The following ZHX3 variants were observed in gnomAD, a reference collection of about 807,000 sequenced individuals.
ZHX3 encodes the protein zinc fingers and homeoboxes 3.
In ZHX3, 20 loss-of-function variants were observed where a neutral mutation model predicts 64.5. The observed-to-expected ratio is 0.31, with a 90% CI of 0.22 to 0.45. The LOEUF is 0.45. Ranked by LOEUF, ZHX3 falls within the 20% of genes least tolerant of loss-of-function variation. The pLI is 1.00. For synonymous variants in ZHX3, 423 were observed against 461.6 expected, an observed-to-expected ratio of 0.92 and a Z score of 1.07; for missense variants, 1,041 against 1,195.8, an observed-to-expected ratio of 0.87 and a Z score of 1.91.
At chr20:41,193,094 G>A (rs1303243721) in intron 3 of ZHX3, among the ~76,000 whole-genome samples, 2 of 152,114 alleles carry the variant, frequency 1.3e-5, no homozygotes, top group South Asian at 2.1e-4. Flanking sequence ...TCTATTCAAA[G>A]TGTGATTATC....
rs1212647276 is a variant in ZHX3, at chr20:41,179,077, G to C, written c.*6114C>G. ...ACCAGGAATCAAGACCTTGTCAGGA[G>C]GCATCTACAGGCCTTTGGCAACCTC... On this transcript the variant is annotated 3_prime_UTR_variant, in exon 4 of 4. Transcript: ENST00000683867. The surrounding 1 kb of genome is among the most constrained non-coding windows in gnomAD (Gnocchi z 4.3). 6.6e-6 allele frequency: 1 copy of C among 152,516 alleles called. No homozygotes were observed. The highest frequency in any genetic ancestry group is 2.4e-5 in the African/African-American group (1 of 41,448). The allele number at this position is 152,516 out of a possible 1,614,324, so 9.4% of individuals were successfully genotyped here.
At chr20:41,220,378 G>T (rs984901447) in intron 2 of ZHX3, among the ~76,000 whole-genome samples, 1 of 152,218 alleles carries the variant, frequency 6.6e-6, no homozygotes, top group Admixed American at 6.5e-5. Flanking sequence ...AGCTAGAAAG[G>T]ATTCAGTTTT....
At chr20:41,205,289 A>C (rs1291889233) in intron 2 of ZHX3, among the ~76,000 whole-genome samples, 2 of 152,118 alleles carry the variant, frequency 1.3e-5, no homozygotes, top group Non-Finnish European at 2.9e-5. Context: ...TGATAGACTT[A>C]AGCAACGTAT....
chr20:41,317,349 G>A (rs1003192874), intron 1 of ZHX3, among the ~76,000 whole-genome samples, 160 bp downstream of exon 1: 1 of 152,190 alleles, frequency 6.6e-6, no homozygotes, highest in Non-Finnish European at 1.5e-5. Context: ...GGGGCAGCCG[G>A]CGGGAGGGGG....
At chr20:41,302,090 G>T (rs1372256303) in intron 1 of ZHX3, among the ~76,000 whole-genome samples, 2 of 138,958 alleles carry the variant, frequency 1.4e-5, no homozygotes, top group Non-Finnish European at 3.1e-5. Flanking sequence ...AAAGGAACAG[G>T]CCACCGCAAG....
At chr20:41,211,367 G>T (rs570206746) in intron 2 of ZHX3, among the ~76,000 whole-genome samples, 1 of 152,020 alleles carries the variant, frequency 6.6e-6, no homozygotes, top group East Asian at 1.9e-4. Flanking sequence ...AATAAACACG[G>T]CTATTTTATG....
intron 2 of ZHX3, among the ~76,000 whole-genome samples, chr20:41,207,202 A>C (rs552067112): frequency 3.0e-4 from 46 of 152,358 alleles, no homozygotes; most frequent in African/African-American, 1.1e-3. Context: ...AAAACATGCC[A>C]AATTGTAAAG....
At chr20:41,236,307 T>C (rs1327594571) in intron 2 of ZHX3, among the ~76,000 whole-genome samples, 2 of 152,200 alleles carry the variant, frequency 1.3e-5, no homozygotes, top group Non-Finnish European at 2.9e-5. Flanking sequence ...AGAGCCCGCA[T>C]TGCCAAGTCA....
At chr20:41,218,501 C>G (rs1037458381) in intron 2 of ZHX3, among the ~76,000 whole-genome samples, 6 of 152,062 alleles carry the variant, frequency 3.9e-5, no homozygotes, top group African/African-American at 1.4e-4. Flanking sequence ...TTATTATGAT[C>G]CTTAGTATTT....
chr20:41,305,561 G>A (rs2044951720), intron 1 of ZHX3, among the ~76,000 whole-genome samples: 1 of 151,878 alleles, frequency 6.6e-6, no homozygotes, highest in Admixed American at 6.6e-5. Flanking sequence ...GGGACGGGCG[G>A]ATCACGAGGC....
chr20:41,183,454 T>C lies in ZHX3; in HGVS notation c.*1737A>G, dbSNP rs1365495434. 6.6e-6 allele frequency: 1 copy of C among 152,220 alleles called. No homozygotes were observed. The highest frequency in any genetic ancestry group is 1.5e-5 in the Non-Finnish European group (1 of 68,044). 9.4% of individuals were successfully genotyped at this position (152,220 alleles called of 1,614,324 possible). ...GATGACACTTTAGAAGAACATGATTTTGGTTTCAAAAGCAAGACCTCTCCT... is the reference window on the plus strand; with the variant it reads ...GATGACACTTTAGAAGAACATGATTCTGGTTTCAAAAGCAAGACCTCTCCT... On this transcript the variant is annotated 3_prime_UTR_variant, in exon 4 of 4. Transcript: ENST00000683867. The surrounding 1 kb of genome is among the most constrained non-coding windows in gnomAD (Gnocchi z 5.3).
chr20:41,287,966 C>T (rs1224586894), intron 1 of ZHX3, among the ~76,000 whole-genome samples: 1 of 152,122 alleles, frequency 6.6e-6, no homozygotes, highest in East Asian at 1.9e-4. Flanking sequence ...ACTCTATATG[C>T]ACTGTGATGA....
chr20:41,180,000 CTA>C lies in ZHX3; in HGVS notation c.*5189_*5190del. ...GTTAAAAAGCATTAACCAAGAAAAACTATTCATTAACACATACAGGTGCTCAT... is the reference window on the plus strand; with the variant it reads ...GTTAAAAAGCATTAACCAAGAAAAACTTCATTAACACATACAGGTGCTCAT... On this transcript the variant is annotated 3_prime_UTR_variant, in exon 4 of 4. Coordinates refer to ENST00000683867, the MANE Select transcript of ZHX3 (RefSeq NM_001384317.1). This position sits in a 1 kb window ranked among gnomAD's most constrained non-coding sequence, Gnocchi z 4.3. The C allele has an allele frequency of 6.5e-6, 1 of 152,802 alleles. No homozygotes were observed. The highest frequency in any genetic ancestry group is 3.4e-3 in the Middle Eastern group (1 of 294). The allele number at this position is 152,802 out of a possible 1,614,324, so 9.5% of individuals were successfully genotyped here.
intron 3 of ZHX3, among the ~76,000 whole-genome samples, chr20:41,187,039 C>T (rs2036577464): frequency 6.6e-6 from 1 of 151,958 alleles, no homozygotes; most frequent in African/African-American, 2.4e-5. Flanking sequence ...AAATCATTGC[C>T]TGGCCAGATG....
In ZHX3 at chr20:41,180,751, T is replaced by C. The variant is rs1197915931; in HGVS notation, c.*4440A>G. ...GAACACACAGATTGCAGCAGAAACC[T>C]GTTGGTTCCATTTGCACTCAGAGCA... On this transcript the variant is annotated 3_prime_UTR_variant, in exon 4 of 4. Transcript: ENST00000683867. 6.6e-6 allele frequency: 1 copy of C among 152,228 alleles called. No homozygotes were observed. Among genetic ancestry groups the C allele is most frequent in the Non-Finnish European group, 1.5e-5 (1 of 68,072 alleles). 9.4% of individuals were successfully genotyped at this position (152,228 alleles called of 1,614,324 possible).
chr20:41,306,155 T>C (rs2044973684), intron 1 of ZHX3, among the ~76,000 whole-genome samples: 1 of 152,148 alleles, frequency 6.6e-6, no homozygotes, highest in African/African-American at 2.4e-5. Flanking sequence ...ATTAGTGAAA[T>C]GTTAATATTC....
chr20:41,274,178 T>C (rs1044344761), intron 1 of ZHX3, among the ~76,000 whole-genome samples: 1 of 152,208 alleles, frequency 6.6e-6, no homozygotes, highest in African/African-American at 2.4e-5. Flanking sequence ...TTTGTTTGCT[T>C]TGGGCTATGG....
intron 2 of ZHX3, among the ~76,000 whole-genome samples, chr20:41,251,827 A>G (rs1286077054): frequency 6.6e-6 from 1 of 152,040 alleles, no homozygotes; most frequent in Non-Finnish European, 1.5e-5. Flanking sequence ...CCTAAAAGTG[A>G]GATACAAAAT....
chr20:41,271,930 A>C (rs1177763964), intron 1 of ZHX3: 1 of 152,202 alleles, frequency 6.6e-6, no homozygotes, highest in African/African-American at 2.4e-5. Flanking sequence ...AGCTTACAAA[A>C]TCACCAGAAA....
Sources: gnomAD v4.1 joint callset for allele counts (sites outside exome capture counted in the v4.1 genomes callset) on GRCh38, gnomAD v4.1.1 for gene constraint, Gnocchi (gnomAD v3.1) non-coding constraint, MANE v1.5 for transcripts, NCBI Gene and HGNC (gene_info 2026-07-23, HGNC 2026-07-21) for gene names.